The following IL11RA variants were observed in gnomAD, a reference collection of about 807,000 sequenced individuals.
IL11RA encodes interleukin-11 receptor subunit alpha.
In IL11RA, 51 loss-of-function variants were observed where a neutral mutation model predicts 57.0. That is an observed-to-expected ratio of 0.89 (90% confidence interval 0.71 to 1.13). The LOEUF (loss-of-function observed/expected upper bound fraction) is 1.13. Among genes scored for constraint, IL11RA ranks in the 50% most tolerant of loss-of-function variants. The pLI is 0.00. For synonymous variants in IL11RA, 199 were observed against 217.5 expected (o/e 0.91, Z 0.75); for missense variants, 498 against 539.4 (o/e 0.92, Z 0.76).
chr9:34,654,320 A>G (rs1250621709), intron 1 of IL11RA, among the ~76,000 whole-genome samples: 4 of 151,686 alleles, frequency 2.6e-5, no homozygotes, highest in Non-Finnish European at 5.9e-5. Flanking sequence ...TCTTTCCAAC[A>G]CTTCCCACAC....
At chr9:34,655,803 A>G in intron 3 of IL11RA, 138 bp downstream of exon 3, 1 of 766,256 alleles carries the variant, frequency 1.3e-6, no homozygotes, top group Non-Finnish European at 2.3e-6. Flanking sequence ...CCGTCTAACT[A>G]TCCTTATTCA....
intron 8 of IL11RA, 50 bp from the exon 9 acceptor site, chr9:34,659,708 GA>G: frequency 6.2e-7 from 1 of 1,611,690 alleles, no homozygotes; most frequent in Non-Finnish European, 8.5e-7. Context: ...TGGTGGCTGG[GA>G]AGGCCCTGCA....
At position 34,658,430 on chromosome 9, in the gene IL11RA, T is replaced by C; in HGVS notation, c.647-90T>C. The C allele has an allele frequency of 1.5e-6, 2 of 1,326,808 alleles. 1 individual carries two copies. The highest frequency in any genetic ancestry group is 2.4e-5 in the South Asian group (2 of 85,008). 82.2% of individuals were successfully genotyped at this position (1,326,808 alleles called of 1,614,324 possible). ...CCCTCCCCTCTCAGGAGTGTCTGGC[T>C]AAGGCTCCTTTAAACACACACTTTG... On this transcript the variant is annotated intron_variant, in intron 7 of 12. Coordinates refer to ENST00000441545, the MANE Select transcript of IL11RA (RefSeq NM_001142784.3). The surrounding 1 kb of genome is among the most constrained non-coding windows in gnomAD (Gnocchi z 4.0).
At chr9:34,661,351 C>T in intron 12 of IL11RA, 131 bp from the exon 13 acceptor site, 1 of 993,918 alleles carries the variant, frequency 1.0e-6, no homozygotes, top group Non-Finnish European at 1.6e-6. Context: ...AAGAGGCTCC[C>T]TCAGAGCTGG....
At chr9:34,660,009 C>A in intron 9 of IL11RA, 109 bp downstream of exon 9, 1 of 1,387,168 alleles carries the variant, frequency 7.2e-7, no homozygotes, top group Admixed American at 1.9e-5. Flanking sequence ...CACACAGGCA[C>A]GGCAATTGCT....
chr9:34,661,889 A>C lies in IL11RA; in HGVS notation c.*391A>C. 6.3e-7 allele frequency: 1 copy of C among 1,597,798 alleles called. No individual in the cohort carries two copies. Among genetic ancestry groups the C allele is most frequent in the African/African-American group, 1.3e-5 (1 of 74,494 alleles). On this transcript the variant is annotated 3_prime_UTR_variant, in exon 13 of 13. Coordinates refer to ENST00000441545, the MANE Select transcript of IL11RA (RefSeq NM_001142784.3). The stretch of plus-strand genomic sequence containing the variant: ...AAAGAGAATAAGGAAGTTCTTGGAG[A>C]TTATACTCAGAAATTATTATCCAAT...
At chr9:34,654,260 C>T (rs1299230166) in intron 1 of IL11RA, among the ~76,000 whole-genome samples, 1 of 152,138 alleles carries the variant, frequency 6.6e-6, no homozygotes, top group Non-Finnish European at 1.5e-5. Flanking sequence ...CCCCCACCTG[C>T]CATATAGACA....
At chr9:34,659,651 C>T (rs1821413172) in intron 8 of IL11RA, 108 bp from the exon 9 acceptor site, 2 of 1,369,090 alleles carry the variant, frequency 1.5e-6, no homozygotes, top group Admixed American at 3.3e-5. Context: ...TAGACAGCTC[C>T]ACTAGGCTTT....
rs1564104172 is a variant in IL11RA at position 34,655,302 on chromosome 9, G to T, written c.85G>T (p.Ala29Ser). ...LVSASSPCPQ[A>S]WGPPGVQYGQ... is the part of the protein sequence containing the mutation. ...GTCTGCCTCCTCCCCCTGCCCCCAGGCCTGGGGCCCCCCAGGTGAGAAGAA... is the reference window on the plus strand; with the variant it reads ...GTCTGCCTCCTCCCCCTGCCCCCAGTCCTGGGGCCCCCCAGGTGAGAAGAA... Residue 29 changes from alanine to serine, a missense_variant, in exon 2 of 13, where the codon GCC becomes TCC. Ala to Ser is a moderately conservative substitution (Grantham distance 99). Transcript: ENST00000441545. The T allele has an allele frequency of 2.9e-5, 46 of 1,605,902 alleles. No homozygotes were observed. The highest frequency in any genetic ancestry group is 3.9e-5 in the Non-Finnish European group (46 of 1,174,342).
Position 34,660,388 on chromosome 9 carries a change from T to C in IL11RA, c.1067T>C (p.Leu356Pro), listed in dbSNP as rs1821431763. The C allele has an allele frequency of 6.2e-7, 1 of 1,613,954 alleles. No individual in the cohort carries two copies. Among genetic ancestry groups the C allele is most frequent in the African/African-American group, 1.3e-5 (1 of 74,924 alleles). Residue 356 changes from leucine to proline, a missense_variant, in exon 10 of 13, where the codon CTA becomes CCA. Leu to Pro is a moderately conservative substitution (Grantham distance 98, BLOSUM62 -3). Transcript: ENST00000441545. ...CCCTCCCTCCAACCACACCCTCGGC[T>C]ACTTGGTGAGCTTGGGCAGATGGGC... Reference protein sequence around the residue: ...PRPSLQPHPRLLDHRDSVEQV... With the variant: ...PRPSLQPHPRPLDHRDSVEQV...
Position 34,660,597 on chromosome 9 carries a change from T to C in IL11RA, c.1166T>C (p.Leu389Pro). 6.2e-7 allele frequency: 1 copy of C among 1,613,054 alleles called. No individual in the cohort carries two copies. The highest frequency in any genetic ancestry group is 1.1e-5 in the South Asian group (1 of 91,064). Residue 389 changes from leucine to proline, a missense_variant, in exon 11 of 13, where the codon CTC (leucine) becomes CCC (proline). Physicochemically the swap from Leu to Pro is moderately conservative, Grantham distance 98. Transcript: ENST00000441545. ...GLVAGALALG[L>P]WLRLRRGGKD... ...GTGGCTGGGGCCCTGGCACTGGGGC[T>C]CTGGTAAGTGACTGCCATTGGTCCC... is the stretch of plus-strand genomic sequence containing the variant.
At chr9:34,655,741 C>G in intron 3 of IL11RA, 76 bp downstream of exon 3, 1 of 1,236,362 alleles carries the variant, frequency 8.1e-7, no homozygotes, top group Non-Finnish European at 1.2e-6. Flanking sequence ...TGTCCCGCCC[C>G]TCCCATCCTT....
chr9:34,655,764 C>T lies in IL11RA; in HGVS notation c.161+99C>T, dbSNP rs567243422. On this transcript the variant is annotated intron_variant, in intron 3 of 12. Coordinates refer to ENST00000441545, the MANE Select transcript of IL11RA (RefSeq NM_001142784.3). ...CCCTCCCATCCTTGCCCGCTCTGTC[C>T]GTAATCCTCACCTCTCTATCTGTCC... 8.3e-5 allele frequency: 80 copies of T among 962,040 alleles called. No individual in the cohort carries two copies. The African/African-American group carries it at 1.0e-3, about 13-fold the overall frequency. The allele number at this position is 962,040 out of a possible 1,614,324, so 59.6% of individuals were successfully genotyped here. A position where few individuals can be genotyped will look rare whatever the true frequency, so the allele number is the denominator to read the frequency against.
intron 2 of IL11RA, 77 bp from the exon 3 acceptor site, chr9:34,655,528 C>G (rs1587245299): frequency 6.6e-6 from 9 of 1,354,324 alleles, no homozygotes; most frequent in Non-Finnish European, 8.5e-6. Flanking sequence ...TTTTAACAGT[C>G]TGCTTCTTAT....
intron 2 of IL11RA, 131 bp downstream of exon 2, chr9:34,655,448 C>T: frequency 1.2e-6 from 1 of 865,292 alleles, no homozygotes; most frequent in Non-Finnish European, 1.9e-6. Flanking sequence ...CTCTCTCTAC[C>T]CTGTTCTCTG....
At chr9:34,655,384 C>G in intron 2 of IL11RA, 67 bp downstream of exon 2, 1 of 1,000,094 alleles carries the variant, frequency 1.0e-6, no homozygotes, top group Non-Finnish European at 1.6e-6. Context: ...ACTGTGGCCC[C>G]TTCCCATGCC....
intron 1 of IL11RA, 81 bp from the exon 2 acceptor site, chr9:34,655,137 C>T: frequency 1.0e-6 from 1 of 981,374 alleles, no homozygotes; most frequent in Non-Finnish European, 1.6e-6. Context: ...TCCTAGGAAG[C>T]CTCAGTTTTG....
At chr9:34,655,504 C>A in intron 2 of IL11RA, 101 bp from the exon 3 acceptor site, 1 of 1,074,852 alleles carries the variant, frequency 9.3e-7, no homozygotes. Context: ...CCAGTGAGCC[C>A]CCCACCACCC....
intron 4 of IL11RA, 52 bp from the exon 5 acceptor site, chr9:34,656,983 A>T: frequency 6.2e-7 from 1 of 1,607,062 alleles, no homozygotes; most frequent in Non-Finnish European, 8.5e-7. Flanking sequence ...GCCCTCTGGG[A>T]CCAGGAGGAC....
Sources: allele counts gnomAD v4.1 joint callset (sites outside exome capture counted in the v4.1 genomes callset), GRCh38; gene constraint gnomAD v4.1.1; non-coding constraint Gnocchi (gnomAD v3.1); transcripts MANE v1.5; gene names NCBI Gene and HGNC (gene_info 2026-07-23, HGNC 2026-07-21).